GRIA1: variants seen among roughly 807,000 people sequenced by gnomAD.
GRIA1 encodes the protein glutamate receptor 1.
A neutral mutation model predicts 99.2 loss-of-function variants in GRIA1; 31 were observed. That is an observed-to-expected ratio of 0.31 (90% CI 0.23 to 0.42). GRIA1 has a LOEUF of 0.42. Ranked by LOEUF, GRIA1 falls within the 10% of genes least tolerant of loss-of-function variation. GRIA1 has a pLI of 1.00. For missense variants in GRIA1, 782 were observed against 1,157.5 expected, an observed-to-expected ratio of 0.68 and a Z score of 4.71; for synonymous variants, 438 against 432.4, an observed-to-expected ratio of 1.01 and a Z score of -0.16.
chr5:153,600,284 C>A (rs141640267), intron 2 of GRIA1, among the ~76,000 whole-genome samples: 2 of 146,394 alleles, frequency 1.4e-5, no homozygotes, highest in African/African-American at 5.0e-5. Flanking sequence ...CCCAGATACT[C>A]GGGAGGCTGA....
intron 11 of GRIA1, among the ~76,000 whole-genome samples, chr5:153,733,487 T>G (rs933382389): frequency 6.6e-6 from 1 of 152,020 alleles, no homozygotes; most frequent in Non-Finnish European, 1.5e-5. Context: ...ATGAACAAAA[T>G]GTCAATAGTA....
intron 2 of GRIA1, among the ~76,000 whole-genome samples, chr5:153,587,048 T>C (rs1009879607): frequency 1.3e-5 from 2 of 152,200 alleles, no homozygotes; most frequent in Admixed American, 1.3e-4. Flanking sequence ...AAATTTCAGG[T>C]GGCTACTCAC....
At chr5:153,778,021 AG>A (rs1764375458) in intron 13 of GRIA1, among the ~76,000 whole-genome samples, 1 of 152,072 alleles carries the variant, frequency 6.6e-6, no homozygotes, top group Non-Finnish European at 1.5e-5. Flanking sequence ...CTGAGTGGAG[AG>A]GCTGGATTTA....
chr5:153,771,904 G>A (rs917284883), intron 13 of GRIA1, among the ~76,000 whole-genome samples: 2 of 151,872 alleles, frequency 1.3e-5, no homozygotes, highest in Admixed American at 1.3e-4. Flanking sequence ...GGGGAGGGGG[G>A]AATCAAAGGA....
intron 2 of GRIA1, among the ~76,000 whole-genome samples, chr5:153,531,169 T>C (rs1046938715): frequency 7.2e-5 from 11 of 152,120 alleles, no homozygotes; most frequent in African/African-American, 2.7e-4. Context: ...AGTACAAAAG[T>C]TTTTAGGTGG....
chr5:153,562,095 A>G (rs1321319209), intron 2 of GRIA1, among the ~76,000 whole-genome samples: 1 of 150,794 alleles, frequency 6.6e-6, no homozygotes, highest in Non-Finnish European at 1.5e-5. Context: ...TCATTTGAGA[A>G]CCAAGTTCAT....
chr5:153,619,304 C>G (rs868767411), intron 2 of GRIA1, among the ~76,000 whole-genome samples: 9 of 152,100 alleles, frequency 5.9e-5, no homozygotes, highest in African/African-American at 2.2e-4. Flanking sequence ...CAAACTTATC[C>G]TTGTATTTAA....
chr5:153,645,559 G>A (rs1353416873), intron 2 of GRIA1, among the ~76,000 whole-genome samples: 1 of 152,220 alleles, frequency 6.6e-6, no homozygotes, highest in Non-Finnish European at 1.5e-5. Flanking sequence ...AATCTTTTAT[G>A]CAGCTAATGT....
intron 13 of GRIA1, among the ~76,000 whole-genome samples, chr5:153,772,717 G>A (rs4958676): frequency 0.18 from 26,824 of 152,104 alleles, 2,546 homozygotes; most frequent in Middle Eastern, 0.29. Flanking sequence ...AGGGGATTCA[G>A]ATGATAGTGT....
intron 11 of GRIA1, among the ~76,000 whole-genome samples, chr5:153,739,358 T>C (rs762535512): frequency 8.5e-5 from 13 of 152,208 alleles, no homozygotes; most frequent in Admixed American, 2.6e-4. Flanking sequence ...GGCGAACTCA[T>C]TCTTCAGGTC....
Position 153,677,035 on chromosome 5 carries a change from TG to T in GRIA1, c.904del (p.Glu302ArgfsTer48). On this transcript the variant is annotated frameshift_variant, in exon 7 of 16. Coordinates refer to ENST00000285900, the MANE Select transcript of GRIA1 (RefSeq NM_000827.4). LOFTEE classifies it high-confidence loss of function. ...CCTACGATGGGGTGAAGGTGATGGC[TG>T]AGGCTTTCCAGAGCCTGCGGAGGCA... Reference protein sequence around the residue: ...LTYDGVKVMAEAFQSLRRQRI... With the variant: ...LTYDGVKVMAXAFQSLRRQRI... The T allele has an allele frequency of 6.4e-7, 1 of 1,565,630 alleles. No individual in the cohort carries two copies. Among genetic ancestry groups the T allele is most frequent in the Non-Finnish European group, 8.7e-7 (1 of 1,151,446 alleles).
At chr5:153,607,446 T>A (rs965862646) in intron 2 of GRIA1, among the ~76,000 whole-genome samples, 3 of 152,072 alleles carry the variant, frequency 2.0e-5, no homozygotes, top group African/African-American at 7.2e-5. Flanking sequence ...TATCTTTTCT[T>A]CTTTTCTAAT....
chr5:153,500,448 T>A (rs1754886489), intron 2 of GRIA1, among the ~76,000 whole-genome samples: 1 of 152,168 alleles, frequency 6.6e-6, no homozygotes, highest in African/African-American at 2.4e-5. Context: ...ATGAAATCCA[T>A]TTTTCATTAC....
chr5:153,748,992 C>T (rs1474272532), intron 11 of GRIA1, among the ~76,000 whole-genome samples: 3 of 152,008 alleles, frequency 2.0e-5, no homozygotes, highest in Admixed American at 6.6e-5. Context: ...ATCATGAGAG[C>T]AAGACTGTAG....
At chr5:153,782,493 A>G (rs780318325) in intron 13 of GRIA1, among the ~76,000 whole-genome samples, 1 of 152,220 alleles carries the variant, frequency 6.6e-6, no homozygotes, top group Non-Finnish European at 1.5e-5. Context: ...GAAACTAGAA[A>G]TCTCAATTTT....
In GRIA1 at chr5:153,677,153, C is replaced by G; in HGVS notation, c.1021C>G (p.Leu341Val). The G allele has an allele frequency of 1.3e-6, 2 of 1,502,944 alleles. No homozygotes were observed. The highest frequency in any genetic ancestry group is 2.5e-5 in the East Asian group (1 of 39,908). The allele number at this position is 1,502,944 out of a possible 1,614,324, so 93.1% of individuals were successfully genotyped here. ...WGQGIDIQRA[L>V]QQVRFEGLTG... ...CCAAGGGATCGACATCCAGAGAGCT[C>G]TGCAGCAGGTAAGACCACCAATGTT... Residue 341 changes from leucine (L) to valine (V), a missense_variant, in exon 7 of 16, where the codon CTG becomes GTG. Leu to Val is a conservative substitution (Grantham distance 32). This residue lies in a region of GRIA1 where 461 missense variants were observed against 521.7 expected (regional missense o/e 0.88). Coordinates refer to ENST00000285900, the MANE Select transcript of GRIA1 (RefSeq NM_000827.4).
intron 13 of GRIA1, among the ~76,000 whole-genome samples, chr5:153,777,303 G>A (rs1379649989): frequency 6.6e-6 from 1 of 152,108 alleles, no homozygotes; most frequent in East Asian, 1.9e-4. Flanking sequence ...GAAGGAATAG[G>A]GGGATGAATA....
In GRIA1 at chr5:153,519,125, A is replaced by G. The variant is rs552568834; in HGVS notation, c.220+25060A>G. 2.6e-5 allele frequency among the ~76,000 whole-genome samples: 4 copies of G among 152,182 alleles called. No individual in the cohort carries two copies. In the South Asian group the frequency reaches 8.3e-4, roughly 32 times the overall value. ...CAAAAATACAAAAAATTAGCCGGGC[A>G]TGATGGCACGCACCTGTAGTCCAGC... is the stretch of plus-strand genomic sequence containing the variant. On this transcript the variant is annotated intron_variant, in intron 2 of 15. Transcript: ENST00000285900.
Position 153,764,426 on chromosome 5 carries a change from G to A in GRIA1, c.1824-8G>A. The A allele has an allele frequency of 1.2e-6, 2 of 1,611,248 alleles. No homozygotes were observed. The highest frequency in any genetic ancestry group is 1.1e-5 in the South Asian group (1 of 91,006). On this transcript the variant is annotated splice_region_variant and splice_polypyrimidine_tract_variant and intron_variant, in intron 11 of 15. Transcript: ENST00000285900. ...ATGCTGCTGATGCCTCTTCCCTTTG[G>A]CCTGCAGGTCCCTGTCTGGTCGCAT...
Sources: allele counts gnomAD v4.1 joint callset (sites outside exome capture counted in the v4.1 genomes callset), GRCh38; gene constraint gnomAD v4.1.1; regional missense constraint gnomAD v4.1.1; transcripts MANE v1.5; gene names NCBI Gene and HGNC (gene_info 2026-07-23, HGNC 2026-07-21).